The following C12orf60 variants were observed in gnomAD, a reference collection of about 807,000 sequenced individuals.
The protein encoded by C12orf60 is uncharacterized protein C12orf60.
For missense variants in C12orf60, 284 were observed against 283.2 expected, an observed-to-expected ratio of 1.00 and a Z score of -0.02; for synonymous variants, 102 against 94.6, an observed-to-expected ratio of 1.08 and a Z score of -0.45.
At chr12:14,820,266 C>T (rs1005241660) in intron 1 of C12orf60, among the ~76,000 whole-genome samples, 2 of 151,962 alleles carry the variant, frequency 1.3e-5, no homozygotes, top group African/African-American at 2.4e-5. Flanking sequence ...TCTGGTCAAT[C>T]TGGCTTAAAG....
At chr12:14,805,794 C>T in intron 1 of C12orf60, 1 of 566,886 alleles carries the variant, frequency 1.8e-6, no homozygotes, top group South Asian at 2.7e-5. Flanking sequence ...TTTTTTACCT[C>T]ACAGGGTCTA....
intron 1 of C12orf60, among the ~76,000 whole-genome samples, chr12:14,820,010 T>C (rs1950280753): frequency 6.6e-6 from 1 of 152,114 alleles, no homozygotes; most frequent in African/African-American, 2.4e-5. Context: ...TTTTCTCTTC[T>C]AGAAGGTGTT....
chr12:14,806,357 G>C, intron 1 of C12orf60: 3 of 1,614,194 alleles, frequency 1.9e-6, no homozygotes, highest in Non-Finnish European at 2.5e-6. Context: ...TTGCAATTTT[G>C]TCTGTTTCCT....
chr12:14,816,316 T>G (rs1382465061), intron 1 of C12orf60, among the ~76,000 whole-genome samples: 2 of 152,192 alleles, frequency 1.3e-5, no homozygotes, highest in African/African-American at 4.8e-5. Context: ...TATTTTCCCT[T>G]TTATCCTAAA....
At position 14,806,668 on chromosome 12, in the gene C12orf60, C is replaced by T. The variant is rs1592229361; in HGVS notation, c.-25+2917C>T. On this transcript the variant is annotated intron_variant, in intron 1 of 1. Coordinates refer to ENST00000330828, the MANE Select transcript of C12orf60 (RefSeq NM_175874.4). ...TTTGGGTTCTCTGGGTAAAGGAAGT[C>T]ACTTTGGGCCATATTTCCAATATGA... The T allele has an allele frequency of 3.2e-6, 5 of 1,579,426 alleles. No individual in the cohort carries two copies. In the East Asian group the frequency reaches 9.0e-5, roughly 28 times the overall value.
At chr12:14,810,481 A>G (rs973233200) in intron 1 of C12orf60, among the ~76,000 whole-genome samples, 6 of 152,234 alleles carry the variant, frequency 3.9e-5, no homozygotes, top group African/African-American at 1.4e-4. Flanking sequence ...TGCAAAGCAT[A>G]CAAAGATGAA....
chr12:14,815,969 A>G (rs2137275735), intron 1 of C12orf60, among the ~76,000 whole-genome samples: 1 of 152,366 alleles, frequency 6.6e-6, no homozygotes, highest in Admixed American at 6.5e-5. Flanking sequence ...GAGAAAAACT[A>G]GAAGCAATAT....
chr12:14,812,787 C>T (rs1320706513), intron 1 of C12orf60, among the ~76,000 whole-genome samples: 2 of 151,950 alleles, frequency 1.3e-5, no homozygotes, highest in African/African-American at 4.8e-5. Context: ...TCAGGAGGTA[C>T]ATACACAGGT....
intron 1 of C12orf60, among the ~76,000 whole-genome samples, chr12:14,815,914 T>C (rs1355049291): frequency 6.6e-6 from 1 of 152,058 alleles, no homozygotes; most frequent in Non-Finnish European, 1.5e-5. Flanking sequence ...CTAAGTGGAG[T>C]TGCCAAAATT....
At chr12:14,810,738 A>T (rs775301384) in intron 1 of C12orf60, among the ~76,000 whole-genome samples, 1 of 152,176 alleles carries the variant, frequency 6.6e-6, no homozygotes, top group Non-Finnish European at 1.5e-5. Context: ...GTATTCTTAG[A>T]TATGTGCTTG....
chr12:14,804,391 T>C (rs1254167711), intron 1 of C12orf60, among the ~76,000 whole-genome samples: 1 of 152,222 alleles, frequency 6.6e-6, no homozygotes, highest in Non-Finnish European at 1.5e-5. Flanking sequence ...TTAACCTGAC[T>C]ATCCCATGTA....
intron 1 of C12orf60, among the ~76,000 whole-genome samples, chr12:14,815,268 G>A (rs1950198038): frequency 6.6e-6 from 1 of 152,166 alleles, no homozygotes; most frequent in East Asian, 1.9e-4. Flanking sequence ...TCTTGCCCTT[G>A]ATGTATCCAG....
At chr12:14,807,839 C>T (rs1041355566) in intron 1 of C12orf60, among the ~76,000 whole-genome samples, 3 of 151,702 alleles carry the variant, frequency 2.0e-5, no homozygotes, top group African/African-American at 4.8e-5. Flanking sequence ...CTAGAGTGAA[C>T]GTCAGAAAAA....
chr12:14,813,620 A>G (rs867957796), intron 1 of C12orf60, among the ~76,000 whole-genome samples: 1 of 152,228 alleles, frequency 6.6e-6, no homozygotes, highest in Admixed American at 6.5e-5. Flanking sequence ...CCTCAAGACG[A>G]TAACAGCCTG....
rs1351797410 is a variant in C12orf60, at chr12:14,823,736, T to C, written c.*63T>C. 3.5e-6 allele frequency: 5 copies of C among 1,448,066 alleles called. No individual in the cohort carries two copies. Among genetic ancestry groups the C allele is most frequent in the Middle Eastern group, 2.3e-4 (1 of 4,288 alleles). The allele number at this position is 1,448,066 out of a possible 1,614,324, so 89.7% of individuals were successfully genotyped here. On this transcript the variant is annotated 3_prime_UTR_variant, in exon 2 of 2. Coordinates refer to ENST00000330828, the MANE Select transcript of C12orf60 (RefSeq NM_175874.4). ...CTTAAAATCTTATGGTTTTTCATAG[T>C]AGTTTCTAAGATCTTTTGGTGCCAA...
At chr12:14,805,890 A>G (rs1255731797) in intron 1 of C12orf60, 1 of 1,095,774 alleles carries the variant, frequency 9.1e-7, no homozygotes, top group Non-Finnish European at 1.3e-6. Flanking sequence ...CAAATTGTTT[A>G]TCTTATTTAA....
chr12:14,821,543 A>G (rs564324605), intron 1 of C12orf60, among the ~76,000 whole-genome samples: 2 of 152,192 alleles, frequency 1.3e-5, no homozygotes, highest in Admixed American at 6.5e-5. Context: ...ATTTCACACA[A>G]TCTACTTAGA....
chr12:14,815,626 G>C (rs1420951856), intron 1 of C12orf60, among the ~76,000 whole-genome samples: 1 of 152,276 alleles, frequency 6.6e-6, no homozygotes, highest in East Asian at 1.9e-4. Flanking sequence ...GTAATATTTG[G>C]AGATTTGGAT....
chr12:14,821,524 T>G (rs1480155710), intron 1 of C12orf60, among the ~76,000 whole-genome samples: 2 of 152,238 alleles, frequency 1.3e-5, no homozygotes, highest in Non-Finnish European at 2.9e-5. Context: ...GATTATAATA[T>G]ACTTCCACAT....
Sources: gnomAD v4.1 joint callset for allele counts (sites outside exome capture counted in the v4.1 genomes callset) on GRCh38, gnomAD v4.1.1 for gene constraint, MANE v1.5 for transcripts, NCBI Gene and HGNC (gene_info 2026-07-23, HGNC 2026-07-21) for gene names.